The following GPHN variants were observed in gnomAD, a reference collection of about 807,000 sequenced individuals.
The protein encoded by GPHN is gephyrin.
Under a neutral mutation model 95.5 loss-of-function variants are expected in GPHN, and 17 were observed. That is an observed-to-expected ratio of 0.18 (90% CI 0.12 to 0.27). GPHN has a LOEUF of 0.27. Among genes scored for constraint, GPHN ranks in the 10% least tolerant of loss-of-function variants. The pLI, the probability that GPHN is intolerant of heterozygous loss-of-function variation, is 1.00. For synonymous variants in GPHN, 320 were observed against 322.5 expected, an observed-to-expected ratio of 0.99 and a Z score of 0.08; for missense variants, 660 against 978.1, an observed-to-expected ratio of 0.67 and a Z score of 4.34.
At chr14:67,188,833 CTTTCT>C in the GPHN span, among the ~76,000 whole-genome samples, 2 of 148,836 alleles carry the variant, frequency 1.3e-5, no homozygotes, top group African/African-American at 5.0e-5. Flanking sequence ...TTCTTTCTTT[CTTTCT>C]TTTCTTTCTT....
At chr14:66,936,663 A>C (rs2067147629) in intron 8 of GPHN, among the ~76,000 whole-genome samples, 1 of 152,230 alleles carries the variant, frequency 6.6e-6, no homozygotes, top group South Asian at 2.1e-4. Flanking sequence ...GTATAAAATA[A>C]ATATGTGCCA....
the GPHN span, among the ~76,000 whole-genome samples, chr14:67,422,589 C>T: frequency 2.0e-5 from 3 of 152,220 alleles, no homozygotes; most frequent in African/African-American, 4.8e-5. Flanking sequence ...AGAAGTTGGG[C>T]CTGCCCAGAC....
intron 5 of GPHN, among the ~76,000 whole-genome samples, chr14:66,891,911 A>G (rs1358939777): frequency 2.6e-5 from 4 of 152,202 alleles, no homozygotes; most frequent in Non-Finnish European, 4.4e-5. Context: ...AATGCAAATC[A>G]GAACCACAGT....
intron 9 of GPHN, among the ~76,000 whole-genome samples, chr14:66,989,433 T>C (rs1183537460): frequency 1.3e-5 from 2 of 151,884 alleles, no homozygotes; most frequent in African/African-American, 4.8e-5. Context: ...TTCTGTATGG[T>C]AATAAGTTAG....
chr14:66,988,771 G>GA (rs2071198766), intron 9 of GPHN, among the ~76,000 whole-genome samples: 1 of 151,904 alleles, frequency 6.6e-6, no homozygotes, highest in African/African-American at 2.4e-5. Context: ...AGATTTTCAA[G>GA]AAAAATCTCT....
chr14:67,307,334 A>G, the GPHN span, among the ~76,000 whole-genome samples: 1 of 152,236 alleles, frequency 6.6e-6, no homozygotes, highest in African/African-American at 2.4e-5. Context: ...AGGGCATAAT[A>G]GACTTTTATC....
the GPHN span, among the ~76,000 whole-genome samples, chr14:67,621,134 G>T: frequency 6.6e-6 from 1 of 152,180 alleles, no homozygotes; most frequent in African/African-American, 2.4e-5. Context: ...AGTCATCAGG[G>T]AAAGTCTTCT....
chr14:67,077,123 A>G (rs75407335), intron 11 of GPHN, among the ~76,000 whole-genome samples: 10,125 of 152,214 alleles, frequency 0.067, 359 homozygotes, highest in Middle Eastern at 0.085. Flanking sequence ...ACTTGTGATA[A>G]TTTGACTTGT....
At chr14:67,452,080 C>T in the GPHN span, among the ~76,000 whole-genome samples, 2 of 152,076 alleles carry the variant, frequency 1.3e-5, no homozygotes, top group African/African-American at 4.8e-5. Flanking sequence ...GCCTGTAATC[C>T]CAGCACTTTG....
chr14:67,295,537 G>GT, the GPHN span, among the ~76,000 whole-genome samples: 1 of 151,260 alleles, frequency 6.6e-6, no homozygotes, highest in African/African-American at 2.4e-5. Flanking sequence ...AGACTACTCG[G>GT]TTAAAAAAAA....
the GPHN span, chr14:67,587,085 T>C: frequency 0.65 from 1,041,416 of 1,604,394 alleles, 344,446 homozygotes; most frequent in South Asian, 0.69. Context: ...TTGCAGAAGC[T>C]ACCTTCATCA....
At chr14:66,961,921 T>C (rs1477052419) in intron 8 of GPHN, among the ~76,000 whole-genome samples, 1 of 64,644 alleles carries the variant, frequency 1.5e-5, no homozygotes, top group African/African-American at 1.2e-4. Context: ...TATATATATA[T>C]ATATATATAT....
At chr14:66,666,925 C>G (rs1480188633) in intron 1 of GPHN, among the ~76,000 whole-genome samples, 1 of 152,176 alleles carries the variant, frequency 6.6e-6, no homozygotes, top group African/African-American at 2.4e-5. Context: ...AGCTGATAAG[C>G]AACTTTAGCA....
At chr14:66,916,209 G>T in intron 6 of GPHN, 140 bp downstream of exon 6, 1 of 695,974 alleles carries the variant, frequency 1.4e-6, no homozygotes, top group East Asian at 2.7e-5. Context: ...AGTCACTCTT[G>T]GGTTCAGTAA....
At chr14:67,134,203 T>C (rs927026028) in intron 17 of GPHN, among the ~76,000 whole-genome samples, 2 of 152,198 alleles carry the variant, frequency 1.3e-5, no homozygotes, top group African/African-American at 4.8e-5. Context: ...TTGAATTCTT[T>C]TAGTGAGAAA....
the GPHN span, chr14:67,649,747 A>G: frequency 2.0e-5 from 3 of 152,346 alleles, no homozygotes; most frequent in South Asian, 6.2e-4. Flanking sequence ...ATCATGTACT[A>G]TAGTGTAATA....
chr14:66,701,862 A>G (rs537541456), intron 2 of GPHN, among the ~76,000 whole-genome samples: 2 of 152,316 alleles, frequency 1.3e-5, no homozygotes, highest in South Asian at 4.1e-4. Flanking sequence ...AGCAGCCAGC[A>G]CTGAGACTCA....
Position 66,561,271 on chromosome 14 carries a change from G to T in GPHN, c.64+52680G>T, listed in dbSNP as rs540418754. The stretch of plus-strand genomic sequence containing the variant: ...CTGGCCTCATAAAATGAGGTAGGGA[G>T]GATTCCCTCTTTTTCTATTGATTGG... On this transcript the variant is annotated intron_variant, in intron 1 of 22. Transcript: ENST00000478722. Among the ~76,000 whole-genome samples the T allele has an allele frequency of 1.8e-4, 27 of 152,274 alleles. No individual in the cohort carries two copies. The East Asian group carries it at 4.4e-3, about 25-fold the overall frequency.
At chr14:67,494,770 G>A in the GPHN span, among the ~76,000 whole-genome samples, 4 of 152,112 alleles carry the variant, frequency 2.6e-5, no homozygotes, top group Non-Finnish European at 5.9e-5. Context: ...ACGAAGGCTC[G>A]CCCAACATTT....
Sources: allele counts gnomAD v4.1 joint callset (sites outside exome capture counted in the v4.1 genomes callset), GRCh38; gene constraint gnomAD v4.1.1; transcripts MANE v1.5; gene names NCBI Gene and HGNC (gene_info 2026-07-23, HGNC 2026-07-21).